The following RPS6KB1 variants were observed in gnomAD, a reference collection of about 807,000 sequenced individuals.
The protein encoded by RPS6KB1 is ribosomal protein S6 kinase B1, also known as ribosomal protein S6 kinase beta-1.
A neutral mutation model predicts 70.2 loss-of-function variants in RPS6KB1; 12 were observed. The observed-to-expected ratio is 0.17, with a 90% CI of 0.11 to 0.28. RPS6KB1 has a LOEUF of 0.28. RPS6KB1 is among the 10% of genes least tolerant of loss of function. The pLI, the probability that RPS6KB1 is intolerant of heterozygous loss-of-function variation, is 1.00. For missense variants in RPS6KB1, 270 were observed against 646.6 expected (o/e 0.42, Z 6.32); for synonymous variants, 175 against 211.2 (o/e 0.83, Z 1.49).
At chr17:59,903,317 GA>G (rs113576583) in intron 1 of RPS6KB1, among the ~76,000 whole-genome samples, 7 of 142,106 alleles carry the variant, frequency 4.9e-5, no homozygotes, top group Middle Eastern at 7.1e-3. Context: ...AAAAAAAAAA[GA>G]AAAAAAAAGA....
intron 5 of RPS6KB1, among the ~76,000 whole-genome samples, chr17:59,928,257 TATA>T (rs2043736251): frequency 6.6e-6 from 1 of 152,212 alleles, no homozygotes; most frequent in African/African-American, 2.4e-5. Flanking sequence ...TTATCCTATG[TATA>T]TGTATATATG....
chr17:59,913,559 A>G (rs1307953039), intron 3 of RPS6KB1, among the ~76,000 whole-genome samples: 1 of 152,210 alleles, frequency 6.6e-6, no homozygotes, highest in Non-Finnish European at 1.5e-5. Context: ...GTTGTCTTTC[A>G]GTATGGGGGA....
intron 1 of RPS6KB1, among the ~76,000 whole-genome samples, chr17:59,899,436 A>G (rs1192405936): frequency 1.3e-5 from 2 of 152,180 alleles, no homozygotes; most frequent in Non-Finnish European, 2.9e-5. Flanking sequence ...AAACATAGCT[A>G]CAGGGCGTAT....
At chr17:59,943,573 TTTAAACA>T (rs2044738320) in intron 13 of RPS6KB1, among the ~76,000 whole-genome samples, 1 of 151,550 alleles carries the variant, frequency 6.6e-6, no homozygotes, top group Non-Finnish European at 1.5e-5. Flanking sequence ...AGTGGATCTC[TTTAAACA>T]TTAATAAAAA....
intron 14 of RPS6KB1, 114 bp downstream of exon 14, chr17:59,945,632 T>C (rs887017626): frequency 3.1e-6 from 2 of 643,710 alleles, no homozygotes; most frequent in Non-Finnish European, 2.8e-6. Context: ...CTCTCTTTGG[T>C]TGACATAAGC....
At chr17:59,926,139 G>C (rs2043594002) in intron 4 of RPS6KB1, among the ~76,000 whole-genome samples, 1 of 152,174 alleles carries the variant, frequency 6.6e-6, no homozygotes, top group African/African-American at 2.4e-5. Flanking sequence ...CAGCCTGGAG[G>C]ATGGTAGACA....
intron 1 of RPS6KB1, among the ~76,000 whole-genome samples, chr17:59,908,779 C>T (rs866787826): frequency 7.1e-6 from 1 of 140,496 alleles, no homozygotes; most frequent in African/African-American, 2.7e-5. Context: ...CTACCACGCC[C>T]GGCTAATTTT....
At chr17:59,901,836 G>T (rs528970054) in intron 1 of RPS6KB1, among the ~76,000 whole-genome samples, 1 of 151,302 alleles carries the variant, frequency 6.6e-6, no homozygotes, top group Non-Finnish European at 1.5e-5. Flanking sequence ...GGGCAACATA[G>T]TGAGACCCGT....
intron 13 of RPS6KB1, 148 bp from the exon 14 acceptor site, chr17:59,945,258 C>G: frequency 2.0e-6 from 1 of 512,404 alleles, no homozygotes; most frequent in Non-Finnish European, 3.6e-6. Flanking sequence ...GTTAACGGGT[C>G]TAAAAATGAG....
At chr17:59,939,914 G>T (rs1207744963) in intron 12 of RPS6KB1, among the ~76,000 whole-genome samples, 5 of 152,154 alleles carry the variant, frequency 3.3e-5, no homozygotes, top group Admixed American at 1.3e-4. Context: ...GATATTTTGG[G>T]AAAGAGAGAA....
Position 59,934,604 on chromosome 17 carries a change from GAAC to G in RPS6KB1, c.870+82_870+84del. 1 of 1,060,392 alleles carries G rather than the reference GAAC, an allele frequency of 9.4e-7. No individual in the cohort carries two copies. The highest frequency in any genetic ancestry group is 1.4e-6 in the Non-Finnish European group (1 of 703,546). 65.7% of individuals were successfully genotyped at this position (1,060,392 alleles called of 1,614,324 possible). A position where few individuals can be genotyped will look rare whatever the true frequency, so the allele number is the denominator to read the frequency against. The stretch of plus-strand genomic sequence containing the variant: ...GCAAGAGACCTGTCCTGTGCTTTCT[GAAC>G]ATGTTACCAGTGGAGTTTTCAAAGC... On this transcript the variant is annotated intron_variant, in intron 9 of 14. Coordinates refer to ENST00000225577, the MANE Select transcript of RPS6KB1 (RefSeq NM_003161.4). This position sits in a 1 kb window ranked among gnomAD's most constrained non-coding sequence, Gnocchi z 4.8.
At chr17:59,916,108 A>AT (rs1156481644) in intron 4 of RPS6KB1, among the ~76,000 whole-genome samples, 26 of 126,936 alleles carry the variant, frequency 2.0e-4, no homozygotes, top group South Asian at 2.5e-4. Flanking sequence ...GCAGTTTTCA[A>AT]TTTTTTTTTT....
In RPS6KB1 at chr17:59,934,923, A is replaced by G. The variant is rs922700856; in HGVS notation, c.871-270A>G. The G allele has an allele frequency of 2.1e-5, 8 of 382,086 alleles. No homozygotes were observed. Among genetic ancestry groups the G allele is most frequent in the South Asian group, 3.5e-5 (1 of 28,916 alleles). 23.7% of individuals were successfully genotyped at this position (382,086 alleles called of 1,614,324 possible). On this transcript the variant is annotated intron_variant, in intron 9 of 14. Coordinates refer to ENST00000225577, the MANE Select transcript of RPS6KB1 (RefSeq NM_003161.4). The surrounding 1 kb of genome is among the most constrained non-coding windows in gnomAD (Gnocchi z 4.8). ...GCACGTCTGCCGGCCACAGTGGTGCATGCCTGTAGCCTAAGCTACTCAGGA... is the reference window on the plus strand; with the variant it reads ...GCACGTCTGCCGGCCACAGTGGTGCGTGCCTGTAGCCTAAGCTACTCAGGA...
Position 59,947,076 on chromosome 17 carries a change from T to C in RPS6KB1, c.*288T>C. ...GATTTTCATGTTGATGACTCGAAAC[T>C]GACAGTATTAAGGGTAGGATGTTGC... On this transcript the variant is annotated 3_prime_UTR_variant, in exon 15 of 15. Coordinates refer to ENST00000225577, the MANE Select transcript of RPS6KB1 (RefSeq NM_003161.4). 4.0e-6 allele frequency: 5 copies of C among 1,254,674 alleles called. No individual in the cohort carries two copies. Among genetic ancestry groups the C allele is most frequent in the Non-Finnish European group, 5.1e-6 (5 of 989,106 alleles). 77.7% of individuals were successfully genotyped at this position (1,254,674 alleles called of 1,614,324 possible).
chr17:59,946,247 A>G lies in RPS6KB1; in HGVS notation c.1341-304A>G, dbSNP rs1375986630. Among the ~76,000 whole-genome samples, 1 of 152,202 alleles carries G rather than the reference A, an allele frequency of 6.6e-6. No homozygotes were observed. Among genetic ancestry groups the G allele is most frequent in the African/African-American group, 2.4e-5 (1 of 41,438 alleles). On this transcript the variant is annotated intron_variant, in intron 14 of 14. Transcript: ENST00000225577. This position sits in a 1 kb window ranked among gnomAD's most constrained non-coding sequence, Gnocchi z 4.2. The stretch of plus-strand genomic sequence containing the variant: ...GGAAAAGTATTTTATTTTAAATGCA[A>G]TAGAAAGCTGTTTTGAGCAGGGGAG...
intron 12 of RPS6KB1, among the ~76,000 whole-genome samples, chr17:59,938,735 GTGTGTGTGTT>G (rs2044402851): frequency 2.0e-5 from 3 of 148,888 alleles, no homozygotes; most frequent in East Asian, 3.9e-4. Flanking sequence ...GTGTGTGTGT[GTGTGTGTGTT>G]TAAGTGATGT....
At chr17:59,897,871 A>G (rs2041659569) in intron 1 of RPS6KB1, among the ~76,000 whole-genome samples, 1 of 151,870 alleles carries the variant, frequency 6.6e-6, no homozygotes, top group African/African-American at 2.4e-5. Flanking sequence ...AGGCTGAGGC[A>G]GGAGAATCTC....
rs1598792789 is a variant in RPS6KB1 at position 59,932,407 on chromosome 17, C to T, written c.688+685C>T. ...AGCCTGAGTGAAAAGAGCGAGACTC[C>T]GTCTCAAAAAAAAAGAAAATATGTG... On this transcript the variant is annotated intron_variant, in intron 7 of 14. Coordinates refer to ENST00000225577, the MANE Select transcript of RPS6KB1 (RefSeq NM_003161.4). 2.0e-5 allele frequency among the ~76,000 whole-genome samples: 3 copies of T among 151,700 alleles called. No individual in the cohort carries two copies. In the South Asian group the frequency reaches 6.2e-4, roughly 32 times the overall value.
At chr17:59,896,091 C>T (rs2041540787) in intron 1 of RPS6KB1, among the ~76,000 whole-genome samples, 1 of 152,204 alleles carries the variant, frequency 6.6e-6, no homozygotes, top group South Asian at 2.1e-4. Context: ...TTCTCTATGA[C>T]AGTGGCTTTG....
Sources: gnomAD v4.1 joint callset for allele counts (sites outside exome capture counted in the v4.1 genomes callset) on GRCh38, gnomAD v4.1.1 for gene constraint, Gnocchi (gnomAD v3.1) non-coding constraint, MANE v1.5 for transcripts, NCBI Gene and HGNC (gene_info 2026-07-23, HGNC 2026-07-21) for gene names.